Variants in PES1 observed in about 807,000 individuals in gnomAD.
PES1 encodes the protein pescadillo ribosomal biogenesis factor 1.
PES1 carries 31 observed loss-of-function variants against 77.1 expected under a neutral mutation model. The ratio of observed to expected loss-of-function variants is 0.40; its 90% CI spans 0.30 to 0.54. The LOEUF is 0.54. Ranked by LOEUF, PES1 falls within the 20% of genes least tolerant of loss-of-function variation. The pLI, the probability that PES1 is intolerant of heterozygous loss-of-function variation, is 0.45. For synonymous variants in PES1, 282 were observed against 303.0 expected (o/e 0.93, Z 0.72); for missense variants, 658 against 771.7 (o/e 0.85, Z 1.75).
At chr22:30,606,838 A>G in exon 1 of PES1, 3 of 1,004,662 alleles carry the variant, frequency 3.0e-6, no homozygotes, top group Non-Finnish European at 3.6e-6. Context: ...CTCCCGTTCC[A>G]CTCCTTGTCC....
chr22:30,584,240 C>T, intron 6 of PES1, 125 bp downstream of exon 6: 1 of 741,228 alleles, frequency 1.3e-6, no homozygotes, highest in Non-Finnish European at 2.3e-6. Flanking sequence ...CGCGCCTCAC[C>T]CCTCATCAAC....
At chr22:30,601,304 C>T (rs957576590) in intron 2 of PES1, among the ~76,000 whole-genome samples, 5 of 152,100 alleles carry the variant, frequency 3.3e-5, no homozygotes, top group Admixed American at 1.3e-4. Flanking sequence ...TTTTTGCCAA[C>T]GATTATTTGA....
At chr22:30,602,806 T>A (rs1569033869) in intron 2 of PES1, among the ~76,000 whole-genome samples, 1 of 152,236 alleles carries the variant, frequency 6.6e-6, no homozygotes, top group Non-Finnish European at 1.5e-5. Context: ...ATGTTTAGGT[T>A]GATTTGTTTT....
At chr22:30,579,498 T>C (rs1023065554) in intron 12 of PES1, 195 bp from the exon 13 acceptor site, 5 of 866,564 alleles carry the variant, frequency 5.8e-6, no homozygotes, top group Non-Finnish European at 8.7e-6. Context: ...AGACCCCCAG[T>C]CCTGAGCTCT....
At chr22:30,605,615 C>T (rs1461527789) in intron 1 of PES1, 1 of 295,538 alleles carries the variant, frequency 3.4e-6, no homozygotes, top group African/African-American at 2.3e-5. Flanking sequence ...CCATTGCACA[C>T]ACTTCACCAT....
chr22:30,589,336 A>C (rs1022216018), intron 1 of PES1, 66 bp from the exon 2 acceptor site: 8 of 1,300,236 alleles, frequency 6.2e-6, no homozygotes, highest in African/African-American at 1.5e-5. Flanking sequence ...AACTCTGGGC[A>C]TGCCTAGTTC....
At chr22:30,587,472 G>A (rs374263220) in intron 3 of PES1, 77 bp from the exon 4 acceptor site, 36 of 1,125,534 alleles carry the variant, frequency 3.2e-5, no homozygotes, top group East Asian at 7.1e-5. Flanking sequence ...AGATGGAAAC[G>A]CAGGGCAGAA....
In PES1 at chr22:30,581,663, G is replaced by A; in HGVS notation, c.631-19C>T. 1 of 1,546,816 alleles carries A rather than the reference G, an allele frequency of 6.5e-7. No homozygotes were observed. The highest frequency in any genetic ancestry group is 8.9e-7 in the Non-Finnish European group (1 of 1,120,560). The stretch of plus-strand genomic sequence containing the variant: ...TCGGGTGCTGGGGAACACAAGAGAT[G>A]CATGAGCAGTGTGGGTGCAGGGATG... On this transcript the variant is annotated intron_variant, in intron 6 of 14. Coordinates refer to ENST00000354694, the MANE Select transcript of PES1 (RefSeq NM_014303.4).
chr22:30,596,443 T>C (rs1463396377), upstream of PES1, among the ~76,000 whole-genome samples: 3 of 151,184 alleles, frequency 2.0e-5, no homozygotes, highest in African/African-American at 7.3e-5. Flanking sequence ...CCTCAGCCTC[T>C]GAAAGTGCTG....
upstream of PES1, among the ~76,000 whole-genome samples, chr22:30,595,538 CAAAA>C (rs377364940): frequency 0.058 from 4,682 of 80,692 alleles, 104 homozygotes; most frequent in South Asian, 0.16. Context: ...GACAGTGTCT[CAAAA>C]AAAAAAAAAA....
In PES1 at chr22:30,581,069, G is replaced by A. The variant is rs750609057; in HGVS notation, c.855C>T (p.Arg285=). 44 of 1,611,280 alleles carry A rather than the reference G, an allele frequency of 2.7e-5. No homozygotes were observed. The East Asian group carries it at 3.6e-4, about 13-fold the overall frequency. ...CCTCCTCTGTGGCAGGCACCACCAC[G>A]CGGGCCAGGCTGGCACTGAGGGCTG... ...KLAALSASLA[R]VVVPATEEEA... is the part of the protein sequence containing the mutation. The change falls in exon 9 of 15, where the codon CGC becomes CGT. Residue 285 remains arginine, a synonymous_variant. Coordinates refer to ENST00000354694, the MANE Select transcript of PES1 (RefSeq NM_014303.4).
At chr22:30,599,028 G>C (rs567198444) in intron 2 of PES1, among the ~76,000 whole-genome samples, 27 of 150,892 alleles carry the variant, frequency 1.8e-4, no homozygotes, top group African/African-American at 5.6e-4. Flanking sequence ...CTCCTGAGTA[G>C]CTGGGGTTAC....
At chr22:30,599,000 C>T (rs990809700) in intron 2 of PES1, among the ~76,000 whole-genome samples, 17 of 136,288 alleles carry the variant, frequency 1.2e-4, no homozygotes, top group African/African-American at 3.8e-4. Flanking sequence ...GGGTTCGAAG[C>T]GATTCTCCTA....
rs144078813 is a variant in PES1 at position 30,584,600 on chromosome 22, G to A, written c.486C>T (p.Arg162=). ...AGTGCATGAACTCCACAGTGAGCCGGCGGCACAGCTGAATGGTCTGCACGT... is the reference window on the plus strand; with the variant it reads ...AGTGCATGAACTCCACAGTGAGCCGACGGCACAGCTGAATGGTCTGCACGT... ...KCHVQTIQLC[R]RLTVEFMHYI... is the part of the protein sequence containing the mutation. Residue 162 remains arginine (R), a synonymous_variant, in exon 5 of 15, where the codon CGC becomes CGT. Transcript: ENST00000354694. The A allele has an allele frequency of 1.2e-6, 2 of 1,613,396 alleles. No individual in the cohort carries two copies. Among genetic ancestry groups the A allele is most frequent in the Non-Finnish European group, 1.7e-6 (2 of 1,179,786 alleles).
rs1026345009 is a variant in PES1 at position 30,591,894 on chromosome 22, C to G, written c.-61G>C. ...ACAGGGAGCTCCACTTCCTCCCGCACGTGCCCTGCCAAGGACCCCGAGGAC... is the reference window on the plus strand; with the variant it reads ...ACAGGGAGCTCCACTTCCTCCCGCAGGTGCCCTGCCAAGGACCCCGAGGAC... On this transcript the variant is annotated 5_prime_UTR_variant, in exon 1 of 15. Coordinates refer to ENST00000354694, the MANE Select transcript of PES1 (RefSeq NM_014303.4). 2.6e-6 allele frequency: 4 copies of G among 1,526,626 alleles called. No individual in the cohort carries two copies. The African/African-American group carries it at 5.5e-5, about 21-fold the overall frequency. 94.6% of individuals were successfully genotyped at this position (1,526,626 alleles called of 1,614,324 possible). A position where few individuals can be genotyped will look rare whatever the true frequency, so the allele number is the denominator to read the frequency against.
chr22:30,604,881 TA>T (rs894016134), intron 2 of PES1, among the ~76,000 whole-genome samples: 2 of 151,906 alleles, frequency 1.3e-5, no homozygotes, highest in Non-Finnish European at 2.9e-5. Flanking sequence ...AGTTCAAAAA[TA>T]AAAAAAATAG....
intron 6 of PES1, 164 bp downstream of exon 6, chr22:30,584,201 T>C: frequency 1.6e-6 from 1 of 636,498 alleles, no homozygotes; most frequent in South Asian, 1.8e-5. Context: ...CTCCCGCTCT[T>C]AATGAGGATG....
chr22:30,580,585 C>T lies in PES1; in HGVS notation c.1029G>A (p.Leu343=). 1 of 1,613,814 alleles carries T rather than the reference C, an allele frequency of 6.2e-7. No homozygotes were observed. Among genetic ancestry groups the T allele is most frequent in the Non-Finnish European group, 8.5e-7 (1 of 1,180,018 alleles). Residue 343 remains leucine, a synonymous_variant, in exon 10 of 15, where the codon CTG becomes CTA. Coordinates refer to ENST00000354694, the MANE Select transcript of PES1 (RefSeq NM_014303.4). ...FLNREVPREA[L]AFIIRSFGGE... Reference sequence around the variant, plus strand: ...AGCCTCCCTACCTGATGATGAAGGCCAGGGCCTCACGGGGCACCTCTCGGT... The same window carrying T: ...AGCCTCCCTACCTGATGATGAAGGCTAGGGCCTCACGGGGCACCTCTCGGT...
intron 4 of PES1, chr22:30,585,112 C>A: frequency 5.2e-6 from 2 of 385,340 alleles, no homozygotes; most frequent in Admixed American, 6.8e-5. Flanking sequence ...AATGGGAAAC[C>A]GAAGCTGCCC....
Sources: allele counts gnomAD v4.1 joint callset (sites outside exome capture counted in the v4.1 genomes callset), GRCh38; gene constraint gnomAD v4.1.1; transcripts MANE v1.5; gene names NCBI Gene and HGNC (gene_info 2026-07-23, HGNC 2026-07-21).